The following AGAP1 variants were observed in gnomAD, a reference collection of about 807,000 sequenced individuals.
AGAP1 encodes ArfGAP with GTPase domain, ankyrin repeat and PH domain 1, also known as arf-GAP with GTPase, ANK repeat and PH domain-containing protein 1.
Under a neutral mutation model 105.3 loss-of-function variants are expected in AGAP1, and 29 were observed. The observed-to-expected ratio is 0.28, with a 90% CI of 0.21 to 0.38. The LOEUF is 0.38. Ranked by LOEUF, AGAP1 falls within the 10% of genes least tolerant of loss-of-function variation. The probability of loss-of-function intolerance (pLI) is 1.00; values close to 1 mark genes in which losing one functional copy is unlikely to be tolerated. For synonymous variants in AGAP1, 509 were observed against 485.9 expected (o/e 1.05, Z -0.63); for missense variants, 998 against 1,165.1 (o/e 0.86, Z 2.09).
chr2:235,683,865 C>G, intron 1 of AGAP1, among the ~76,000 whole-genome samples: 1 of 148,718 alleles, frequency 6.7e-6, no homozygotes, highest in African/African-American at 2.5e-5. Context: ...GTCCCCCGCC[C>G]GGCCCCAGTG....
intron 6 of AGAP1, among the ~76,000 whole-genome samples, chr2:235,759,416 G>C (rs531297157): frequency 6.6e-6 from 1 of 152,034 alleles, no homozygotes; most frequent in Admixed American, 6.6e-5. Flanking sequence ...TGATCCGCCC[G>C]CCTTGGCCTC....
intron 10 of AGAP1, among the ~76,000 whole-genome samples, chr2:235,898,663 T>C (rs887512306): frequency 6.6e-6 from 1 of 152,166 alleles, no homozygotes; most frequent in Admixed American, 6.5e-5. Flanking sequence ...AGAGCTAACA[T>C]TTATGGAGGG....
intron 9 of AGAP1, among the ~76,000 whole-genome samples, chr2:235,851,742 C>T (rs750722720): frequency 1.7e-4 from 26 of 152,056 alleles, no homozygotes; most frequent in Non-Finnish European, 3.2e-4. Flanking sequence ...CTTGACTGCT[C>T]GCCATAAAAA....
rs1478274967 is a variant in AGAP1, at chr2:236,124,130, C to T, written c.*8C>T. 6.2e-7 allele frequency: 1 copy of T among 1,611,350 alleles called. No homozygotes were observed. Among genetic ancestry groups the T allele is most frequent in the East Asian group, 2.2e-5 (1 of 44,760 alleles). On this transcript the variant is annotated 3_prime_UTR_variant, in exon 18 of 18. Transcript: ENST00000304032. The surrounding 1 kb of genome is among the most constrained non-coding windows in gnomAD (Gnocchi z 5.1). ...GTGCCCACCATCATCTGAGGAACAG[C>T]CGTGCCCGCCTGCTCGCCGCACCTG...
intron 1 of AGAP1, among the ~76,000 whole-genome samples, chr2:235,656,421 A>C (rs183602449): frequency 2.9e-4 from 44 of 152,264 alleles, no homozygotes; most frequent in African/African-American, 1.0e-3. Flanking sequence ...TTCTAAACTT[A>C]ACTTTCTCAT....
rs1425391209 is a variant in AGAP1 at position 235,931,613 on chromosome 2, A to G, written c.1483+690A>G. Among the ~76,000 whole-genome samples, 2 of 151,956 alleles carry G rather than the reference A, an allele frequency of 1.3e-5. No homozygotes were observed. The highest frequency in any genetic ancestry group is 4.8e-5 in the African/African-American group (2 of 41,346). On this transcript the variant is annotated intron_variant, in intron 12 of 17. Coordinates refer to ENST00000304032, the MANE Select transcript of AGAP1 (RefSeq NM_001037131.3). The surrounding 1 kb of genome is among the most constrained non-coding windows in gnomAD (Gnocchi z 5.6). ...GTCTCTGGCCTGTTCACCGGTATTTAAAGGAATTCCCACTGTTGTATGTAA... is the reference window on the plus strand; with the variant it reads ...GTCTCTGGCCTGTTCACCGGTATTTGAAGGAATTCCCACTGTTGTATGTAA...
rs961681470 is a variant in AGAP1 at position 236,044,489 on chromosome 2, C to T, written c.1891+3648C>T. On this transcript the variant is annotated intron_variant, in intron 15 of 17. Coordinates refer to ENST00000304032, the MANE Select transcript of AGAP1 (RefSeq NM_001037131.3). The surrounding 1 kb of genome is among the most constrained non-coding windows in gnomAD (Gnocchi z 5.7). ...GGTTGGAGCTGACCGTGCGCTGGTCCCTCCCACCCTGCTGCGTGGACCTCA... is the reference window on the plus strand; with the variant it reads ...GGTTGGAGCTGACCGTGCGCTGGTCTCTCCCACCCTGCTGCGTGGACCTCA... 1.3e-5 allele frequency among the ~76,000 whole-genome samples: 2 copies of T among 152,096 alleles called. No individual in the cohort carries two copies. The highest frequency in any genetic ancestry group is 2.9e-5 in the Non-Finnish European group (2 of 68,012).
In AGAP1 at chr2:235,835,648, C is replaced by CT. The variant is rs1370720004; in HGVS notation, c.1050+28318dup. On this transcript the variant is annotated intron_variant, in intron 9 of 17. Coordinates refer to ENST00000304032, the MANE Select transcript of AGAP1 (RefSeq NM_001037131.3). ...GTTCATATCTGGCTCTCCATGGACA[C>CT]TGAGTTCCTGGAGATGGCTGGGACT... Among the ~76,000 whole-genome samples, 8 of 152,246 alleles carry CT rather than the reference C, an allele frequency of 5.3e-5. No individual in the cohort carries two copies. The East Asian group carries it at 1.3e-3, about 26-fold the overall frequency.
At position 235,586,688 on chromosome 2, in the gene AGAP1, C is replaced by G. The variant is rs543072600; in HGVS notation, c.163+91839C>G. ...TCAGAGTGAGACTGTGCAGGACTGCCCCGTACAGTACGGCTTCTATGTGTG... is the reference window on the plus strand; with the variant it reads ...TCAGAGTGAGACTGTGCAGGACTGCGCCGTACAGTACGGCTTCTATGTGTG... On this transcript the variant is annotated intron_variant, in intron 1 of 17. Coordinates refer to ENST00000304032, the MANE Select transcript of AGAP1 (RefSeq NM_001037131.3). The surrounding 1 kb of genome is among the most constrained non-coding windows in gnomAD (Gnocchi z 4.2). Among the ~76,000 whole-genome samples the G allele has an allele frequency of 6.6e-6, 1 of 152,098 alleles. No homozygotes were observed. Among genetic ancestry groups the G allele is most frequent in the Non-Finnish European group, 1.5e-5 (1 of 68,024 alleles).
At position 235,930,830 on chromosome 2, in the gene AGAP1, C is replaced by T. The variant is rs756340113; in HGVS notation, c.1390C>T (p.Arg464Ter). The T allele has an allele frequency of 6.2e-6, 10 of 1,613,974 alleles. No individual in the cohort carries two copies. In the East Asian group the frequency reaches 6.7e-5, roughly 11 times the overall value. The change falls in exon 12 of 18, where the codon CGA becomes TGA. Residue 464 changes from arginine to a stop codon, truncating the protein, a stop_gained. Coordinates refer to ENST00000304032, the MANE Select transcript of AGAP1 (RefSeq NM_001037131.3). LOFTEE classifies it high-confidence loss of function. The surrounding 1 kb of genome is among the most constrained non-coding windows in gnomAD (Gnocchi z 7.9). ...CATCAGCCTGGTCTCCTTCAACAGC[C>T]GACCCGACGGCATGCACCAGCGCTC... ...SGISLVSFNS[R>*]PDGMHQRSYS... is the part of the protein sequence containing the mutation.
intron 11 of AGAP1, among the ~76,000 whole-genome samples, chr2:235,910,877 T>C (rs1258264960): frequency 6.8e-6 from 1 of 147,054 alleles, no homozygotes; most frequent in Non-Finnish European, 1.5e-5. Context: ...ATCGCACCAC[T>C]GCACTCCAGC....
Position 235,601,757 on chromosome 2 carries a change from G to A in AGAP1, c.163+106908G>A, listed in dbSNP as rs1016764023. Among the ~76,000 whole-genome samples the A allele has an allele frequency of 6.6e-6, 1 of 152,144 alleles. No individual in the cohort carries two copies. The highest frequency in any genetic ancestry group is 1.5e-5 in the Non-Finnish European group (1 of 68,040). On this transcript the variant is annotated intron_variant, in intron 1 of 17. Transcript: ENST00000304032. The surrounding 1 kb of genome is among the most constrained non-coding windows in gnomAD (Gnocchi z 4.4). ...TTGTAATCTCAGTGCTGAGGCGGGA[G>A]GATCACTGGAGGCCAGGAGTTTAAG...
chr2:235,834,082 T>A (rs1959811111), intron 9 of AGAP1, among the ~76,000 whole-genome samples: 1 of 151,568 alleles, frequency 6.6e-6, no homozygotes, highest in South Asian at 2.1e-4. Flanking sequence ...TGTGTCTCTA[T>A]GCAGTCCACG....
chr2:235,550,974 A>G lies in AGAP1; in HGVS notation c.163+56125A>G, dbSNP rs1190250058. ...ATTTTAGTAGAAATGGGGTTTCACC[A>G]TGTTGGGCAGGCTGGTCTCGAACTC... On this transcript the variant is annotated intron_variant, in intron 1 of 17. Transcript: ENST00000304032. This position sits in a 1 kb window ranked among gnomAD's most constrained non-coding sequence, Gnocchi z 4.6. Among the ~76,000 whole-genome samples the G allele has an allele frequency of 6.6e-6, 1 of 152,090 alleles. No individual in the cohort carries two copies. Among genetic ancestry groups the G allele is most frequent in the Non-Finnish European group, 1.5e-5 (1 of 68,020 alleles).
rs932061542 is a variant in AGAP1 at position 236,096,923 on chromosome 2, C to T, written c.2115-23269C>T. ...CTGAAGTTTCATCCTTGCCGTATCA[C>T]GTGGCCAATCCATTCATCTGACTTT... On this transcript the variant is annotated intron_variant, in intron 16 of 17. Coordinates refer to ENST00000304032, the MANE Select transcript of AGAP1 (RefSeq NM_001037131.3). The surrounding 1 kb of genome is among the most constrained non-coding windows in gnomAD (Gnocchi z 4.4). Among the ~76,000 whole-genome samples the T allele has an allele frequency of 1.3e-5, 2 of 152,112 alleles. No homozygotes were observed. The highest frequency in any genetic ancestry group is 4.8e-5 in the African/African-American group (2 of 41,428).
chr2:235,762,300 TG>T (rs766466257), intron 6 of AGAP1, among the ~76,000 whole-genome samples: 5 of 152,112 alleles, frequency 3.3e-5, no homozygotes, highest in African/African-American at 4.8e-5. Flanking sequence ...TCAGAAAGGG[TG>T]GCTTTGTCTC....
At chr2:235,778,608 G>C (rs114421975) in intron 6 of AGAP1, among the ~76,000 whole-genome samples, 1 of 152,150 alleles carries the variant, frequency 6.6e-6, no homozygotes, top group African/African-American at 2.4e-5. Context: ...TTCTGAGGTC[G>C]GAATTCCCGG....
Position 235,883,443 on chromosome 2 carries a change from T to C in AGAP1, c.1149T>C (p.Ser383=). The C allele has an allele frequency of 6.2e-7, 1 of 1,613,706 alleles. No individual in the cohort carries two copies. The highest frequency in any genetic ancestry group is 8.5e-7 in the Non-Finnish European group (1 of 1,179,692). ...CDNGVLTYHP[S]LHDYMQNVHG... ...ATGGCGTGCTGACCTATCATCCCAG[T>C]TTACATGTGAGTATAGCCCCCTCGG... The change falls in exon 10 of 18, where the codon AGT becomes AGC. Residue 383 remains serine, a synonymous_variant. Transcript: ENST00000304032. This position sits in a 1 kb window ranked among gnomAD's most constrained non-coding sequence, Gnocchi z 4.5.
chr2:235,566,153 G>A lies in AGAP1; in HGVS notation c.163+71304G>A, dbSNP rs1367186947. On this transcript the variant is annotated intron_variant, in intron 1 of 17. Coordinates refer to ENST00000304032, the MANE Select transcript of AGAP1 (RefSeq NM_001037131.3). This position sits in a 1 kb window ranked among gnomAD's most constrained non-coding sequence, Gnocchi z 5.2. Reference sequence around the variant, plus strand: ...GTCGCCCAGGCTAGAGTGCAGTGGCGCAACCTCGGCTCACTGCAACCTCTG... The same window carrying A: ...GTCGCCCAGGCTAGAGTGCAGTGGCACAACCTCGGCTCACTGCAACCTCTG... Among the ~76,000 whole-genome samples the A allele has an allele frequency of 1.3e-5, 2 of 151,268 alleles. No individual in the cohort carries two copies. The highest frequency in any genetic ancestry group is 2.1e-4 in the South Asian group (1 of 4,744).
Sources: allele counts gnomAD v4.1 joint callset (sites outside exome capture counted in the v4.1 genomes callset), GRCh38; gene constraint gnomAD v4.1.1; non-coding constraint Gnocchi (gnomAD v3.1); transcripts MANE v1.5; gene names NCBI Gene and HGNC (gene_info 2026-07-23, HGNC 2026-07-21).